The following PTPRM variants were observed in gnomAD, a reference collection of about 807,000 sequenced individuals.
PTPRM encodes the protein protein tyrosine phosphatase receptor type M.
PTPRM carries 47 observed loss-of-function variants against 186.7 expected under a neutral mutation model. The observed-to-expected ratio is 0.25, with a 90% CI of 0.20 to 0.32. PTPRM has a LOEUF of 0.32. Ranked by LOEUF, PTPRM falls within the 10% of genes least tolerant of loss-of-function variation. PTPRM has a pLI of 1.00. For missense variants in PTPRM, 1,494 were observed against 1,865.0 expected (o/e 0.80, Z 3.66); for synonymous variants, 668 against 674.9 (o/e 0.99, Z 0.16).
chr18:7,853,611 C>G (rs2046965196), intron 2 of PTPRM, among the ~76,000 whole-genome samples: 3 of 152,210 alleles, frequency 2.0e-5, no homozygotes, highest in Admixed American at 2.0e-4. Flanking sequence ...ATTTCTGAAT[C>G]TTCTCTTCTT....
At chr18:7,619,240 A>G (rs2037879101) in intron 1 of PTPRM, among the ~76,000 whole-genome samples, 1 of 152,160 alleles carries the variant, frequency 6.6e-6, no homozygotes, top group Admixed American at 6.5e-5. Flanking sequence ...TGTTGAGAGT[A>G]TCTAAAAGCT....
intron 19 of PTPRM, among the ~76,000 whole-genome samples, chr18:8,256,975 C>CA (rs1197393272): frequency 6.6e-6 from 1 of 152,168 alleles, no homozygotes; most frequent in Non-Finnish European, 1.5e-5. Context: ...ATACACTGTA[C>CA]ATGGCGCCAG....
intron 7 of PTPRM, among the ~76,000 whole-genome samples, chr18:8,064,496 C>T (rs2088896964): frequency 6.6e-6 from 1 of 151,872 alleles, no homozygotes; most frequent in African/African-American, 2.4e-5. Context: ...CAGATTGTTT[C>T]CAAGGGCATT....
intron 22 of PTPRM, among the ~76,000 whole-genome samples, chr18:8,321,317 C>T (rs539091226): frequency 6.6e-6 from 1 of 152,190 alleles, no homozygotes; most frequent in Admixed American, 6.5e-5. Context: ...TATTGAGGCC[C>T]TCTAGATTAA....
At chr18:7,772,364 T>TTTCTTTCC (rs1944195832) in intron 1 of PTPRM, among the ~76,000 whole-genome samples, 2 of 70,696 alleles carry the variant, frequency 2.8e-5, no homozygotes, top group Admixed American at 2.0e-4. Flanking sequence ...TCTTTCTTTC[T>TTTCTTTCC]TTCTTTCTTT....
Position 7,855,678 on chromosome 18 carries a change from A to G in PTPRM, c.197-32428A>G, listed in dbSNP as rs143231005. 4.3e-4 allele frequency among the ~76,000 whole-genome samples: 65 copies of G among 152,312 alleles called. 1 individual carries two copies. In the East Asian group the frequency reaches 5.2e-3, roughly 12 times the overall value. ...AGGAGTGTGGATGAGCTTCTTGGTA[A>G]CTAAGCTCCCAAAAGACTTAGATGA... On this transcript the variant is annotated intron_variant, in intron 2 of 32. Transcript: ENST00000580170.
chr18:7,657,481 C>G (rs1351519000), intron 1 of PTPRM, among the ~76,000 whole-genome samples: 1 of 152,220 alleles, frequency 6.6e-6, no homozygotes, highest in East Asian at 1.9e-4. Flanking sequence ...TTGACATTTT[C>G]ATTTTCCTCC....
At position 7,979,779 on chromosome 18, in the gene PTPRM, A is replaced by G. The variant is rs543784591; in HGVS notation, c.1132+24365A>G. ...GCTGGCAGAAGTGTGGAGCGGACAC[A>G]GGAGAAGGCTGGGATGGTGCTTGGA... On this transcript the variant is annotated intron_variant, in intron 7 of 32. Transcript: ENST00000580170. Among the ~76,000 whole-genome samples the G allele has an allele frequency of 2.0e-5, 3 of 152,346 alleles. No homozygotes were observed. In the South Asian group the frequency reaches 6.2e-4, roughly 32 times the overall value.
chr18:7,724,967 G>A (rs574952635), intron 1 of PTPRM, among the ~76,000 whole-genome samples: 9 of 152,240 alleles, frequency 5.9e-5, no homozygotes, highest in African/African-American at 1.9e-4. Flanking sequence ...TTGACCCTAG[G>A]ACTCAACAGA....
chr18:7,602,396 A>G (rs923625786), intron 1 of PTPRM, among the ~76,000 whole-genome samples: 11 of 150,386 alleles, frequency 7.3e-5, no homozygotes, highest in Admixed American at 1.3e-4. Context: ...AACATTAGAT[A>G]TTTGGGTTAT....
intron 20 of PTPRM, 47 bp from the exon 21 acceptor site, chr18:8,314,734 C>A: frequency 7.0e-7 from 1 of 1,430,840 alleles, no homozygotes; most frequent in Non-Finnish European, 9.8e-7. Context: ...AGCCACCTAC[C>A]AGATTGCTTT....
At chr18:8,371,575 G>T (rs112827276) in intron 24 of PTPRM, among the ~76,000 whole-genome samples, 1 of 152,128 alleles carries the variant, frequency 6.6e-6, no homozygotes, top group African/African-American at 2.4e-5. Context: ...ATGAACCAGC[G>T]CATTCATTCA....
intron 11 of PTPRM, among the ~76,000 whole-genome samples, chr18:8,108,850 A>T (rs1441677857): frequency 1.3e-5 from 2 of 152,198 alleles, no homozygotes; most frequent in Non-Finnish European, 2.9e-5. Flanking sequence ...ATGCAGTAGG[A>T]AGATTTGATG....
chr18:7,864,158 CTGA>C (rs2047542839), intron 2 of PTPRM, among the ~76,000 whole-genome samples: 1 of 152,172 alleles, frequency 6.6e-6, no homozygotes, highest in Non-Finnish European at 1.5e-5. Context: ...CCTGTTCACT[CTGA>C]TGATAGTTGA....
intron 1 of PTPRM, among the ~76,000 whole-genome samples, chr18:7,704,245 T>C (rs961550172): frequency 6.6e-6 from 1 of 152,208 alleles, no homozygotes; most frequent in African/African-American, 2.4e-5. Context: ...CCAGAAGGAA[T>C]GGTACCAGCT....
chr18:7,947,594 G>A (rs560180837), intron 5 of PTPRM, among the ~76,000 whole-genome samples: 1 of 152,226 alleles, frequency 6.6e-6, no homozygotes, highest in South Asian at 2.1e-4. Context: ...TAGCTCCACT[G>A]GCTGCCTTAA....
chr18:8,207,244 C>T (rs1405712985), intron 14 of PTPRM, among the ~76,000 whole-genome samples: 3 of 152,092 alleles, frequency 2.0e-5, no homozygotes, highest in Non-Finnish European at 4.4e-5. Context: ...GAGTTTTCAC[C>T]GGATGATATT....
intron 22 of PTPRM, among the ~76,000 whole-genome samples, chr18:8,333,927 G>A (rs1261720565): frequency 5.3e-5 from 8 of 152,150 alleles, no homozygotes; most frequent in African/African-American, 1.4e-4. Flanking sequence ...GCGCTCAAAC[G>A]GGCCCTGGTC....
intron 7 of PTPRM, among the ~76,000 whole-genome samples, chr18:8,009,484 C>A (rs557498768): frequency 1.3e-5 from 2 of 152,224 alleles, no homozygotes; most frequent in East Asian, 3.9e-4. Flanking sequence ...CCAGGGCAGA[C>A]AGATCACGAG....
Sources: gnomAD v4.1 joint callset for allele counts (sites outside exome capture counted in the v4.1 genomes callset) on GRCh38, gnomAD v4.1.1 for gene constraint, MANE v1.5 for transcripts, NCBI Gene and HGNC (gene_info 2026-07-23, HGNC 2026-07-21) for gene names.